Variants in GZMK observed in about 807,000 individuals in gnomAD.
The protein encoded by GZMK is granzyme K.
In GZMK, 18 loss-of-function variants were observed where a neutral mutation model predicts 22.8. That is an observed-to-expected ratio of 0.79 (90% CI 0.54 to 1.17). GZMK has a LOEUF of 1.17. Ranked by LOEUF, GZMK falls within the 50% of genes most tolerant of loss-of-function variation. The pLI is 0.00. For synonymous variants in GZMK, 136 were observed against 115.0 expected (o/e 1.18, Z -1.17); for missense variants, 342 against 320.2 (o/e 1.07, Z -0.52).
chr5:55,027,540 C>T (rs942549575), intron 2 of GZMK: 1 of 152,238 alleles, frequency 6.6e-6, no homozygotes, highest in African/African-American at 2.4e-5. Context: ...CTGGGAGTCA[C>T]CAAAAGCCAA....
At chr5:55,028,072 A>G (rs932422960) in intron 2 of GZMK, 1 of 152,200 alleles carries the variant, frequency 6.6e-6, no homozygotes, top group African/African-American at 2.4e-5. Flanking sequence ...TTTGGTCTTA[A>G]CATGTCCCAG....
At position 55,031,565 on chromosome 5, in the gene GZMK, G is replaced by T; in HGVS notation, c.565G>T (p.Gly189Cys). The change falls in exon 4 of 5, where the codon GGC becomes TGC. Residue 189 changes from glycine to cysteine, a missense_variant. Gly to Cys is a radical substitution (Grantham distance 159, BLOSUM62 -3). Transcript: ENST00000231009. The stretch of plus-strand genomic sequence containing the variant: ...TTGCAACAGCCAAAGTTACTACAAC[G>T]GCGACCCTTTTATCACCAAAGACAT... ...KLCNSQSYYN[G>C]DPFITKDMVC... 6.2e-7 allele frequency: 1 copy of T among 1,613,850 alleles called. No individual in the cohort carries two copies. The highest frequency in any genetic ancestry group is 8.5e-7 in the Non-Finnish European group (1 of 1,179,752).
chr5:55,024,850 GTTA>G (rs1561256241), intron 2 of GZMK, 43 bp downstream of exon 2: 5 of 1,341,894 alleles, frequency 3.7e-6, no homozygotes, highest in Non-Finnish European at 5.2e-6. Flanking sequence ...TTTTCTGAAA[GTTA>G]TTATAGGTAC....
chr5:55,032,128 C>T (rs1441088274), intron 4 of GZMK, among the ~76,000 whole-genome samples: 2 of 152,150 alleles, frequency 1.3e-5, no homozygotes, highest in Non-Finnish European at 2.9e-5. Context: ...AACTCGGTGG[C>T]TTATAAATAA....
At chr5:55,030,605 C>A in intron 3 of GZMK, 21 bp downstream of exon 3, 1 of 1,592,094 alleles carries the variant, frequency 6.3e-7, no homozygotes, top group South Asian at 1.1e-5. Flanking sequence ...GCATTGTCTT[C>A]CTTCTATTTT....
At chr5:55,033,496 A>T (rs1741266383) in intron 4 of GZMK, among the ~76,000 whole-genome samples, 2 of 152,258 alleles carry the variant, frequency 1.3e-5, no homozygotes, top group Non-Finnish European at 2.9e-5. Context: ...AGAGATATAG[A>T]CATGGACACT....
chr5:55,032,995 T>C (rs138900833), intron 4 of GZMK, among the ~76,000 whole-genome samples: 286 of 152,348 alleles, frequency 1.9e-3, no homozygotes, highest in Non-Finnish European at 3.1e-3. Flanking sequence ...GTTATCATGG[T>C]TGACCAAAGT....
intron 2 of GZMK, among the ~76,000 whole-genome samples, chr5:55,026,040 T>G (rs1167444715): frequency 6.6e-6 from 1 of 152,148 alleles, no homozygotes; most frequent in African/African-American, 2.4e-5. Context: ...AGAGACAGAG[T>G]GGGGAACTGT....
chr5:55,026,569 G>T (rs1741146308), intron 2 of GZMK, among the ~76,000 whole-genome samples: 1 of 152,128 alleles, frequency 6.6e-6, no homozygotes, highest in African/African-American at 2.4e-5. Context: ...TAAGCTTTAT[G>T]AAATTCAAAA....
intron 2 of GZMK, among the ~76,000 whole-genome samples, chr5:55,029,708 A>T (rs1479754594): frequency 1.3e-5 from 2 of 152,170 alleles, no homozygotes. Context: ...CATGCCCAGC[A>T]TGCACCAGTG....
At chr5:55,025,576 A>C (rs1452992035) in intron 2 of GZMK, 1 of 152,204 alleles carries the variant, frequency 6.6e-6, no homozygotes, top group African/African-American at 2.4e-5. Context: ...ACAAAAGGAA[A>C]TGCCAGTAGA....
chr5:55,031,955 T>C (rs960228817), intron 4 of GZMK, among the ~76,000 whole-genome samples: 5 of 152,160 alleles, frequency 3.3e-5, no homozygotes, highest in East Asian at 1.9e-4. Flanking sequence ...AAGTCACTAG[T>C]GGTGATTAGA....
Position 55,024,832 on chromosome 5 carries a change from CAT to C in GZMK, c.212+26_212+27del, listed in dbSNP as rs145477421. The C allele has an allele frequency of 2.1e-4, 309 of 1,497,872 alleles. 2 individuals are homozygous for C. The highest frequency in any genetic ancestry group is 2.0e-3 in the East Asian group (88 of 43,030). 92.8% of individuals were successfully genotyped at this position (1,497,872 alleles called of 1,614,324 possible). A position where few individuals can be genotyped will look rare whatever the true frequency, so the allele number is the denominator to read the frequency against. On this transcript the variant is annotated intron_variant, in intron 2 of 4. Transcript: ENST00000231009. ...GGTGAGTCCTCCACACTTTTCCAGACATGTGTTTTTTCTGAAAGTTATTATAG... is the reference window on the plus strand; with the variant it reads ...GGTGAGTCCTCCACACTTTTCCAGACGTGTTTTTTCTGAAAGTTATTATAG...
chr5:55,031,642 C>A lies in GZMK; in HGVS notation c.633+9C>A, dbSNP rs775119162. 1 of 1,608,738 alleles carries A rather than the reference C, an allele frequency of 6.2e-7. No individual in the cohort carries two copies. The highest frequency in any genetic ancestry group is 2.2e-5 in the East Asian group (1 of 44,768). ...AGAAGGATTCCTGTAAGGTAAGAAT[C>A]TCTCTTTCAAACAGGCATCTTGGAG... On this transcript the variant is annotated intron_variant, in intron 4 of 4. Transcript: ENST00000231009.
rs1345902323 is a variant in GZMK at position 55,030,661 on chromosome 5, A to G, written c.363+77A>G. 7.9e-6 allele frequency: 9 copies of G among 1,141,840 alleles called. No individual in the cohort carries two copies. In the African/African-American group the frequency reaches 1.1e-4, roughly 14 times the overall value. 70.7% of individuals were successfully genotyped at this position (1,141,840 alleles called of 1,614,324 possible). On this transcript the variant is annotated intron_variant, in intron 3 of 4. Coordinates refer to ENST00000231009, the MANE Select transcript of GZMK (RefSeq NM_002104.3). ...TGGCTCAATTAGTTAAATCACCTACAAAATGCATTTTGCTAGCACCCTCCC... is the reference window on the plus strand; with the variant it reads ...TGGCTCAATTAGTTAAATCACCTACGAAATGCATTTTGCTAGCACCCTCCC...
intron 3 of GZMK, 93 bp downstream of exon 3, chr5:55,030,677 G>A (rs1191441792): frequency 6.7e-6 from 6 of 895,580 alleles, no homozygotes; most frequent in Admixed American, 1.9e-5. Flanking sequence ...CATTTTGCTA[G>A]CACCCTCCCC....
chr5:55,025,605 T>C (rs1243838357), intron 2 of GZMK: 6 of 149,634 alleles, frequency 4.0e-5, no homozygotes, highest in African/African-American at 1.5e-4. Context: ...TTGGTATTTG[T>C]TGTTTTGTTT....
Position 55,024,399 on chromosome 5 carries a change from T to G in GZMK, c.64+13T>G. On this transcript the variant is annotated intron_variant, in intron 1 of 4. Transcript: ENST00000231009. ...ATGACTCATGTGTGTAAGTATCTCC[T>G]ATATCTACATGTAAACATTAAATGA... 1.7e-6 allele frequency: 2 copies of G among 1,179,026 alleles called. No individual in the cohort carries two copies. The highest frequency in any genetic ancestry group is 2.5e-6 in the Non-Finnish European group (2 of 789,894). 73.0% of individuals were successfully genotyped at this position (1,179,026 alleles called of 1,614,324 possible).
In GZMK at chr5:55,024,784, G is replaced by T; in HGVS notation, c.189G>T (p.Leu63=). 6.2e-7 allele frequency: 1 copy of T among 1,607,724 alleles called. No individual in the cohort carries two copies. Among genetic ancestry groups the T allele is most frequent in the South Asian group, 1.1e-5 (1 of 90,272 alleles). Residue 63 remains leucine (L), a synonymous_variant, in exon 2 of 5, where the codon CTG becomes CTT. Coordinates refer to ENST00000231009, the MANE Select transcript of GZMK (RefSeq NM_002104.3). The part of the protein sequence containing the change: ...GGVLIDPQWV[L]TAAHCQYRFT... Reference sequence around the variant, plus strand: ...TTCTGATTGATCCACAGTGGGTGCTGACAGCAGCCCACTGCCAATATCGGT... The same window carrying T: ...TTCTGATTGATCCACAGTGGGTGCTTACAGCAGCCCACTGCCAATATCGGT...
Sources: gnomAD v4.1 joint callset for allele counts (sites outside exome capture counted in the v4.1 genomes callset) on GRCh38, gnomAD v4.1.1 for gene constraint, MANE v1.5 for transcripts, NCBI Gene and HGNC (gene_info 2026-07-23, HGNC 2026-07-21) for gene names.